The following ZNF808 variants were observed in gnomAD, a reference collection of about 807,000 sequenced individuals.
ZNF808 encodes zinc finger protein 808.
In ZNF808, 5 loss-of-function variants were observed where a neutral mutation model predicts 8.7. The ratio of observed to expected loss-of-function variants is 0.58; its 90% CI spans 0.30 to 1.21. The LOEUF is 1.21. Ranked by LOEUF, ZNF808 falls within the 50% of genes most tolerant of loss-of-function variation. The pLI is 0.07. For missense variants in ZNF808, 1,103 were observed against 1,098.4 expected, an observed-to-expected ratio of 1.00 and a Z score of -0.06; for synonymous variants, 380 against 366.0, an observed-to-expected ratio of 1.04 and a Z score of -0.44.
At chr19:52,566,728 CAA>C (rs895257623), downstream of ZNF808, among the ~76,000 whole-genome samples, 1 of 152,072 alleles carries the variant, frequency 6.6e-6, no homozygotes, top group African/African-American at 2.4e-5. Context: ...GCTAGGGTGA[CAA>C]AGTTCAAGTC....
chr19:52,534,445 C>T (rs1423764952), intron 2 of ZNF808, among the ~76,000 whole-genome samples: 2 of 152,176 alleles, frequency 1.3e-5, no homozygotes, highest in African/African-American at 4.8e-5. Context: ...CTGTTTGCCT[C>T]TATTTCCCAT....
At chr19:52,565,259 CAA>C (rs1271207402), downstream of ZNF808, among the ~76,000 whole-genome samples, 4 of 152,156 alleles carry the variant, frequency 2.6e-5, no homozygotes, top group East Asian at 1.9e-4. Context: ...GCCTGGGCAA[CAA>C]GAGCAAAACT....
intron 3 of ZNF808, among the ~76,000 whole-genome samples, chr19:52,543,907 C>T (rs543584479): frequency 2.0e-5 from 3 of 151,632 alleles, no homozygotes; most frequent in East Asian, 1.9e-4. Flanking sequence ...ACCTGTAATC[C>T]CAGCATTTTG....
chr19:52,535,197 G>T (rs1381342786), intron 2 of ZNF808, among the ~76,000 whole-genome samples: 1 of 151,788 alleles, frequency 6.6e-6, no homozygotes, highest in East Asian at 1.9e-4. Flanking sequence ...CGAGCGTCGT[G>T]GTGGGCGCCT....
At chr19:52,551,595 T>G (rs760894778) in intron 4 of ZNF808, among the ~76,000 whole-genome samples, 1 of 152,158 alleles carries the variant, frequency 6.6e-6, no homozygotes, top group Non-Finnish European at 1.5e-5. Flanking sequence ...AATGTACTTA[T>G]TTGCTTGCTG....
At chr19:52,530,481 G>A (rs1422796216) in intron 1 of ZNF808, among the ~76,000 whole-genome samples, 3 of 152,028 alleles carry the variant, frequency 2.0e-5, no homozygotes, top group Admixed American at 6.6e-5. Context: ...GGCTGACACA[G>A]TGAAACTCAA....
downstream of ZNF808, among the ~76,000 whole-genome samples, chr19:52,561,158 TTCTCTCTCTC>T (rs1191860993): frequency 5.3e-3 from 276 of 52,386 alleles, 4 homozygotes; most frequent in East Asian, 0.018. Flanking sequence ...CTTCTATCTG[TTCTCTCTCTC>T]TCTCTCTCTC....
At position 52,555,564 on chromosome 19, in the gene ZNF808, C is replaced by A. The variant is rs2059828495; in HGVS notation, c.2648C>A (p.Ala883Asp). 6.2e-7 allele frequency: 1 copy of A among 1,613,138 alleles called. No homozygotes were observed. Among genetic ancestry groups the A allele is most frequent in the South Asian group, 1.1e-5 (1 of 90,988 alleles). Reference sequence around the variant, plus strand: ...TACAAGTGTAATGAGTGTGGCAAAGCCTTTAGTGACCGGTCAACACTTATT... The same window carrying A: ...TACAAGTGTAATGAGTGTGGCAAAGACTTTAGTGACCGGTCAACACTTATT... The part of the protein sequence containing the change: ...KPYKCNECGK[A>D]FSDRSTLIHH... Residue 883 changes from alanine (A) to aspartate (D), a missense_variant, in exon 5 of 5, where the codon GCC becomes GAC. Transcript: ENST00000359798.
chr19:52,550,620 G>T (rs2059767475), intron 4 of ZNF808, among the ~76,000 whole-genome samples: 1 of 151,754 alleles, frequency 6.6e-6, no homozygotes, highest in South Asian at 2.1e-4. Context: ...CGACTTCCTG[G>T]GTTCAAGTGA....
At chr19:52,563,073 C>T (rs900864346) in intron 3 of ZNF808, among the ~76,000 whole-genome samples, 5 of 152,062 alleles carry the variant, frequency 3.3e-5, no homozygotes, top group African/African-American at 7.2e-5. Context: ...CGCATCCTGT[C>T]GTTAGTCAAT....
intron 2 of ZNF808, 30 bp from the exon 3 acceptor site, chr19:52,543,236 A>C: frequency 1.2e-6 from 2 of 1,606,786 alleles, no homozygotes; most frequent in East Asian, 2.2e-5. Context: ...GTCATTTCTA[A>C]CATGAAGTCT....
In ZNF808 at chr19:52,552,227, C is replaced by T. The variant is rs2059784228; in HGVS notation, c.191-880C>T. Among the ~76,000 whole-genome samples the T allele has an allele frequency of 3.9e-5, 6 of 151,940 alleles. No individual in the cohort carries two copies. The South Asian group carries it at 1.2e-3, about 32-fold the overall frequency. ...AGAAACAGAGTTTCACCGTGTTATC[C>T]AGGATGGTCTCGATCTCCTGACCTT... is the stretch of plus-strand genomic sequence containing the variant. On this transcript the variant is annotated intron_variant, in intron 4 of 4. Transcript: ENST00000359798.
intron 3 of ZNF808, among the ~76,000 whole-genome samples, chr19:52,543,821 G>A (rs1320435167): frequency 6.6e-6 from 1 of 151,222 alleles, no homozygotes; most frequent in Non-Finnish European, 1.5e-5. Context: ...CACACTAGTA[G>A]ATCAAGATGT....
downstream of ZNF808, among the ~76,000 whole-genome samples, chr19:52,560,230 G>T (rs1002482885): frequency 7.2e-5 from 11 of 151,810 alleles, no homozygotes; most frequent in African/African-American, 2.7e-4. Context: ...GGAGGCTGAG[G>T]TAAGAGAATT....
At chr19:52,566,357 G>T (rs1209984344), downstream of ZNF808, among the ~76,000 whole-genome samples, 1 of 151,764 alleles carries the variant, frequency 6.6e-6, no homozygotes, top group Non-Finnish European at 1.5e-5. Flanking sequence ...GTAGAGACTG[G>T]GTTTCATTAT....
Position 52,554,652 on chromosome 19 carries a change from A to G in ZNF808, c.1736A>G (p.Gln579Arg), listed in dbSNP as rs952629004. 6.2e-7 allele frequency: 1 copy of G among 1,614,122 alleles called. No homozygotes were observed. Among genetic ancestry groups the G allele is most frequent in the Non-Finnish European group, 8.5e-7 (1 of 1,180,020 alleles). The stretch of plus-strand genomic sequence containing the variant: ...GAATGTGGGAAAGCTTTTAATCAAC[A>G]ATCACATCTTTCACGTCATCGTAGA... ...CNECGKAFNQ[Q>R]SHLSRHRRLH... The change falls in exon 5 of 5, where the codon CAA becomes CGA. Residue 579 changes from glutamine (Q) to arginine (R), a missense_variant. Physicochemically the swap from Gln to Arg is conservative, Grantham distance 43. Coordinates refer to ENST00000359798, the MANE Select transcript of ZNF808 (RefSeq NM_001039886.4).
downstream of ZNF808, among the ~76,000 whole-genome samples, chr19:52,559,356 C>G (rs1189982354): frequency 6.6e-6 from 1 of 152,140 alleles, no homozygotes; most frequent in Non-Finnish European, 1.5e-5. Context: ...AAAAGCACAG[C>G]ACTTTTTCCT....
At chr19:52,535,923 CGCCCCGCCTCTACCCCGCCCAG>C (rs1418735862) in intron 2 of ZNF808, 1 of 152,006 alleles carries the variant, frequency 6.6e-6, no homozygotes, top group Non-Finnish European at 1.5e-5. Flanking sequence ...CTCTGCCTCG[CGCCCCGCCTCTACCCCGCCCAG>C]GCCCCGCCAA....
chr19:52,548,932 A>C (rs1190549810), intron 4 of ZNF808, among the ~76,000 whole-genome samples: 1 of 151,672 alleles, frequency 6.6e-6, no homozygotes, highest in African/African-American at 2.4e-5. Context: ...AGCTTGGCCA[A>C]CTTGGTGAAA....
Sources: gnomAD v4.1 joint callset for allele counts (sites outside exome capture counted in the v4.1 genomes callset) on GRCh38, gnomAD v4.1.1 for gene constraint, MANE v1.5 for transcripts, NCBI Gene and HGNC (gene_info 2026-07-23, HGNC 2026-07-21) for gene names.